Variants in EXT2 observed in about 807,000 individuals in gnomAD.
EXT2 encodes the protein exostosin-2.
In EXT2, 53 loss-of-function variants were observed where a neutral mutation model predicts 81.6. The observed-to-expected ratio is 0.65, with a 90% CI of 0.52 to 0.82. The LOEUF is 0.82. Ranked by LOEUF, EXT2 falls within the 40% of genes least tolerant of loss-of-function variation. The probability of loss-of-function intolerance (pLI) is 0.00; values close to 1 mark genes in which losing one functional copy is unlikely to be tolerated. For synonymous variants in EXT2, 320 were observed against 340.0 expected, an observed-to-expected ratio of 0.94 and a Z score of 0.65; for missense variants, 774 against 910.2, an observed-to-expected ratio of 0.85 and a Z score of 1.93.
chr11:44,127,017 T>C, intron 6 of EXT2, 62 bp downstream of exon 6: 2 of 1,590,262 alleles, frequency 1.3e-6, no homozygotes, highest in Non-Finnish European at 1.7e-6. Flanking sequence ...AAATAAAATC[T>C]CCTCAGGTCA....
intron 7 of EXT2, chr11:44,144,458 C>A: frequency 1.2e-6 from 1 of 869,538 alleles, no homozygotes; most frequent in Non-Finnish European, 1.8e-6. Flanking sequence ...ACCTTTCACC[C>A]CAATGGCTCT....
chr11:44,119,971 C>T (rs113744275), intron 4 of EXT2, among the ~76,000 whole-genome samples: 35 of 152,296 alleles, frequency 2.3e-4, no homozygotes, highest in African/African-American at 7.9e-4. Flanking sequence ...TGTTTAATCC[C>T]TCTCATATAA....
intron 10 of EXT2, among the ~76,000 whole-genome samples, chr11:44,212,237 A>G (rs986417027): frequency 1.1e-3 from 163 of 151,916 alleles, no homozygotes; most frequent in African/African-American, 3.9e-3. Flanking sequence ...GTGAGCCAAG[A>G]TCGCACCATT....
chr11:44,166,179 C>T lies in EXT2; in HGVS notation c.1174-5432C>T, dbSNP rs556503215. 1.2e-3 allele frequency among the ~76,000 whole-genome samples: 187 copies of T among 152,228 alleles called. 1 individual carries two copies. The highest frequency in any genetic ancestry group is 4.3e-3 in the African/African-American group (177 of 41,534). On this transcript the variant is annotated intron_variant, in intron 7 of 13. Coordinates refer to ENST00000533608, the MANE Select transcript of EXT2 (RefSeq NM_207122.2). ...AAACAACAGAAAAACAATTATAGAACAGTATATAACAACTAATGTGTATGG... is the reference window on the plus strand; with the variant it reads ...AAACAACAGAAAAACAATTATAGAATAGTATATAACAACTAATGTGTATGG...
At chr11:44,162,501 A>T (rs1275160800) in intron 7 of EXT2, among the ~76,000 whole-genome samples, 1 of 148,952 alleles carries the variant, frequency 6.7e-6, no homozygotes, top group South Asian at 2.2e-4. Flanking sequence ...GCTTGAACCC[A>T]GTAGGCTGAG....
intron 10 of EXT2, among the ~76,000 whole-genome samples, chr11:44,217,586 G>GAAA (rs1955734972): frequency 6.6e-6 from 1 of 152,182 alleles, no homozygotes; most frequent in South Asian, 2.1e-4. Flanking sequence ...ATCTGTTTAT[G>GAAA]TATTTTACTA....
At chr11:44,147,184 T>C (rs1241555314) in intron 7 of EXT2, among the ~76,000 whole-genome samples, 1 of 152,222 alleles carries the variant, frequency 6.6e-6, no homozygotes, top group East Asian at 1.9e-4. Flanking sequence ...TGATGGAGTG[T>C]TAATGTGGTA....
rs1176854162 is a variant in EXT2 at position 44,151,257 on chromosome 11, A to C, written c.1174-20354A>C. Among the ~76,000 whole-genome samples, 3 of 152,232 alleles carry C rather than the reference A, an allele frequency of 2.0e-5. No individual in the cohort carries two copies. The East Asian group carries it at 5.8e-4, about 29-fold the overall frequency. ...GGCACATCATTATCACATGAAGTCCATAATTTACATTAGGGTTCACTCTTG... is the reference window on the plus strand; with the variant it reads ...GGCACATCATTATCACATGAAGTCCCTAATTTACATTAGGGTTCACTCTTG... On this transcript the variant is annotated intron_variant, in intron 7 of 13. Transcript: ENST00000533608.
At chr11:44,136,560 A>C (rs183698745) in intron 7 of EXT2, among the ~76,000 whole-genome samples, 103 of 152,330 alleles carry the variant, frequency 6.8e-4, no homozygotes, top group African/African-American at 2.4e-3. Context: ...GACTGGACAC[A>C]GCCCTGGAAA....
intron 13 of EXT2, among the ~76,000 whole-genome samples, chr11:44,239,953 C>T (rs1333113937): frequency 1.3e-5 from 2 of 152,076 alleles, no homozygotes; most frequent in Non-Finnish European, 2.9e-5. Flanking sequence ...ATAACCTTCG[C>T]ATATCCTTCT....
chr11:44,097,586 T>C (rs1033479142), intron 1 of EXT2, among the ~76,000 whole-genome samples: 10 of 151,964 alleles, frequency 6.6e-5, no homozygotes, highest in Non-Finnish European at 1.3e-4. Context: ...GGCCAGGAGT[T>C]CAAGACCAGC....
At chr11:44,235,019 T>C (rs777218607) in intron 12 of EXT2, among the ~76,000 whole-genome samples, 6 of 152,186 alleles carry the variant, frequency 3.9e-5, no homozygotes, top group African/African-American at 4.8e-5. Flanking sequence ...TGATTCCTTA[T>C]GCTATTAATT....
chr11:44,096,925 G>A (rs1229699166), intron 1 of EXT2, among the ~76,000 whole-genome samples: 5 of 152,212 alleles, frequency 3.3e-5, no homozygotes, highest in African/African-American at 9.7e-5. Flanking sequence ...AGAACTCAAA[G>A]GCTATTCACT....
At chr11:44,121,389 A>G (rs1297178131) in intron 4 of EXT2, among the ~76,000 whole-genome samples, 4 of 152,312 alleles carry the variant, frequency 2.6e-5, no homozygotes, top group East Asian at 1.9e-4. Flanking sequence ...CTATTTGTGC[A>G]TATTGAAAAC....
intron 6 of EXT2, among the ~76,000 whole-genome samples, chr11:44,129,221 A>C (rs1373901726): frequency 6.6e-6 from 1 of 152,148 alleles, no homozygotes; most frequent in African/African-American, 2.4e-5. Flanking sequence ...AGTTTATTCT[A>C]ACACTTTAGA....
At chr11:44,210,958 A>G (rs1038010534) in intron 10 of EXT2, among the ~76,000 whole-genome samples, 10 of 152,350 alleles carry the variant, frequency 6.6e-5, no homozygotes, top group East Asian at 5.8e-4. Context: ...TTGACAAGCT[A>G]AAACTGAAAT....
chr11:44,109,174 C>T lies in EXT2; in HGVS notation c.537-20C>T, dbSNP rs1439821990. 7.4e-6 allele frequency: 12 copies of T among 1,612,262 alleles called. No individual in the cohort carries two copies. The highest frequency in any genetic ancestry group is 9.3e-6 in the Non-Finnish European group (11 of 1,178,526). ...CATAGTTGACACATTAATTCTCCTA[C>T]ATTTTAAATTTCTTGACAGGTGGGA... is the stretch of plus-strand genomic sequence containing the variant. On this transcript the variant is annotated intron_variant, in intron 2 of 13. Transcript: ENST00000533608.
rs1190276396 is a variant in EXT2 at position 44,231,422 on chromosome 11, G to A, written c.1663-931G>A. The stretch of plus-strand genomic sequence containing the variant: ...TGGACGTGTTAGGTTTGTTTATCCA[G>A]GTGGAGATATTAACTAAGTGGTTGG... On this transcript the variant is annotated intron_variant, in intron 10 of 13. Transcript: ENST00000533608. Among the ~76,000 whole-genome samples, 3 of 152,326 alleles carry A rather than the reference G, an allele frequency of 2.0e-5. No homozygotes were observed. In the East Asian group the frequency reaches 5.8e-4, roughly 29 times the overall value.
At chr11:44,188,489 G>A (rs1340581671) in intron 8 of EXT2, among the ~76,000 whole-genome samples, 1 of 152,158 alleles carries the variant, frequency 6.6e-6, no homozygotes, top group East Asian at 1.9e-4. Flanking sequence ...ATCCAAATAA[G>A]CCTTATGAAG....
Sources: gnomAD v4.1 joint callset for allele counts (sites outside exome capture counted in the v4.1 genomes callset) on GRCh38, gnomAD v4.1.1 for gene constraint, MANE v1.5 for transcripts, NCBI Gene and HGNC (gene_info 2026-07-23, HGNC 2026-07-21) for gene names.